Variants in LIN7A observed in about 807,000 individuals in gnomAD.
The protein encoded by LIN7A is lin-7 cell polarity scaffold A.
In LIN7A, 25 loss-of-function variants were observed where a neutral mutation model predicts 29.8. That is an observed-to-expected ratio of 0.84 (90% CI 0.61 to 1.17). LIN7A has a LOEUF of 1.17. Among genes scored for constraint, LIN7A ranks in the 50% most tolerant of loss-of-function variants. The pLI, the probability that LIN7A is intolerant of heterozygous loss-of-function variation, is 0.00. For missense variants in LIN7A, 239 were observed against 287.0 expected, an observed-to-expected ratio of 0.83 and a Z score of 1.21; for synonymous variants, 118 against 107.5, an observed-to-expected ratio of 1.10 and a Z score of -0.60.
At chr12:80,930,934 A>G (rs1877863363) in intron 1 of LIN7A, among the ~76,000 whole-genome samples, 1 of 152,232 alleles carries the variant, frequency 6.6e-6, no homozygotes, top group Non-Finnish European at 1.5e-5. Flanking sequence ...AGAGCGTGCC[A>G]ACTATGTGCC....
chr12:80,868,243 G>A (rs1056706732), intron 2 of LIN7A, among the ~76,000 whole-genome samples: 1 of 152,152 alleles, frequency 6.6e-6, no homozygotes, highest in Admixed American at 6.5e-5. Context: ...GCATGCCCAA[G>A]GATAAAGAGA....
chr12:80,919,538 C>T (rs1877193075), intron 1 of LIN7A, among the ~76,000 whole-genome samples: 1 of 152,024 alleles, frequency 6.6e-6, no homozygotes, highest in Non-Finnish European at 1.5e-5. Flanking sequence ...CGGGTGCTTC[C>T]TAGAAAGAAC....
At position 80,937,699 on chromosome 12, in the gene LIN7A, C is replaced by T. The variant is rs752622015; in HGVS notation, c.24G>A (p.Ser8=). The change falls in exon 1 of 6, where the codon TCG becomes TCA. Residue 8 remains serine, a synonymous_variant. Coordinates refer to ENST00000552864, the MANE Select transcript of LIN7A (RefSeq NM_004664.4). MLKPSVT[S]APTADMATLT... The stretch of plus-strand genomic sequence containing the variant: ...ATGTCGCCATGTCTGCCGTGGGAGC[C>T]GAAGTGACGCTCGGCTTCAGCATCA... 6.5e-7 allele frequency: 1 copy of T among 1,531,896 alleles called. No homozygotes were observed. Among genetic ancestry groups the T allele is most frequent in the Non-Finnish European group, 8.8e-7 (1 of 1,132,936 alleles). The allele number at this position is 1,531,896 out of a possible 1,614,324, so 94.9% of individuals were successfully genotyped here.
At chr12:80,827,125 G>A (rs938909359) in intron 4 of LIN7A, among the ~76,000 whole-genome samples, 1 of 152,066 alleles carries the variant, frequency 6.6e-6, no homozygotes, top group Non-Finnish European at 1.5e-5. Context: ...CAGTGGCTCA[G>A]GTCTGTAATC....
intron 3 of LIN7A, 30 bp from the exon 4 acceptor site, chr12:80,845,969 G>A: frequency 6.4e-7 from 1 of 1,555,802 alleles, no homozygotes; most frequent in Non-Finnish European, 8.7e-7. Flanking sequence ...ATGGTCTTTT[G>A]GTAATAAAAT....
At chr12:80,820,630 T>TACACACACAC (rs3072333) in intron 4 of LIN7A, among the ~76,000 whole-genome samples, 135 of 147,516 alleles carry the variant, frequency 9.2e-4, no homozygotes, top group African/African-American at 2.8e-3. Context: ...GAAGATTAAA[T>TACACACACAC]ACACACACAC....
intron 1 of LIN7A, chr12:80,935,696 T>C: frequency 4.6e-6 from 2 of 433,050 alleles, no homozygotes; most frequent in South Asian, 3.5e-5. Flanking sequence ...ACCCATCATC[T>C]CTTGGTTATA....
At chr12:80,920,343 A>G (rs1228541614) in intron 1 of LIN7A, among the ~76,000 whole-genome samples, 1 of 152,234 alleles carries the variant, frequency 6.6e-6, no homozygotes, top group African/African-American at 2.4e-5. Flanking sequence ...ATTTGATATC[A>G]GGGCTGTAGT....
At chr12:80,848,086 T>G in intron 3 of LIN7A, 165 bp downstream of exon 3, 1 of 694,926 alleles carries the variant, frequency 1.4e-6, no homozygotes, top group Non-Finnish European at 2.6e-6. Context: ...CAATTTTCCA[T>G]TAGGATTTTT....
At chr12:80,819,287 C>T (rs1565889015) in intron 4 of LIN7A, among the ~76,000 whole-genome samples, 1 of 152,208 alleles carries the variant, frequency 6.6e-6, no homozygotes, top group East Asian at 1.9e-4. Context: ...TTTCATCTTT[C>T]CCTTTTTTCA....
At chr12:80,873,759 G>C (rs934980849) in intron 2 of LIN7A, among the ~76,000 whole-genome samples, 3 of 151,804 alleles carry the variant, frequency 2.0e-5, no homozygotes, top group African/African-American at 7.3e-5. Flanking sequence ...TTACTGGGGG[G>C]TCTCTAATCC....
At chr12:80,857,755 G>T (rs1385257475) in intron 2 of LIN7A, among the ~76,000 whole-genome samples, 2 of 152,162 alleles carry the variant, frequency 1.3e-5, no homozygotes, top group African/African-American at 4.8e-5. Context: ...ATTAGATGAA[G>T]ATGAGAAGGA....
At chr12:80,849,111 A>G (rs1468415760) in intron 2 of LIN7A, among the ~76,000 whole-genome samples, 1 of 152,154 alleles carries the variant, frequency 6.6e-6, no homozygotes, top group Non-Finnish European at 1.5e-5. Context: ...GTCTGTACTA[A>G]AAAGGCAACA....
chr12:80,855,097 A>T (rs763599810), intron 2 of LIN7A, among the ~76,000 whole-genome samples: 27 of 152,126 alleles, frequency 1.8e-4, no homozygotes, highest in Non-Finnish European at 3.5e-4. Context: ...AATTAGCATC[A>T]TATAAACCCC....
At chr12:80,925,806 T>C (rs1334531678) in intron 1 of LIN7A, among the ~76,000 whole-genome samples, 1 of 152,216 alleles carries the variant, frequency 6.6e-6, no homozygotes, top group Non-Finnish European at 1.5e-5. Context: ...AAGAAAATAG[T>C]ATTAAAATGT....
chr12:80,832,132 G>A (rs1872380125), intron 4 of LIN7A, among the ~76,000 whole-genome samples: 1 of 152,144 alleles, frequency 6.6e-6, no homozygotes, highest in Admixed American at 6.5e-5. Flanking sequence ...TGACATATTG[G>A]CACAATATTT....
chr12:80,897,110 T>C (rs1012755770), intron 1 of LIN7A, among the ~76,000 whole-genome samples: 1 of 152,182 alleles, frequency 6.6e-6, no homozygotes, highest in Admixed American at 6.5e-5. Context: ...TTATTTTCTT[T>C]CCTAAACAGC....
chr12:80,840,970 T>C (rs2121536638), intron 4 of LIN7A, among the ~76,000 whole-genome samples: 1 of 152,320 alleles, frequency 6.6e-6, no homozygotes, highest in African/African-American at 2.4e-5. Flanking sequence ...GTTTAAAAGC[T>C]CTTTATTATA....
intron 3 of LIN7A, 62 bp from the exon 4 acceptor site, chr12:80,846,001 T>C (rs909276256): frequency 5.5e-6 from 8 of 1,447,990 alleles, no homozygotes; most frequent in African/African-American, 2.9e-5. Context: ...AGGCTAATCA[T>C]ATGCTTTGCA....
Sources: allele counts gnomAD v4.1 joint callset (sites outside exome capture counted in the v4.1 genomes callset), GRCh38; gene constraint gnomAD v4.1.1; transcripts MANE v1.5; gene names NCBI Gene and HGNC (gene_info 2026-07-23, HGNC 2026-07-21).